Variants in DCC observed in about 807,000 individuals in gnomAD.
DCC encodes netrin receptor DCC.
A neutral mutation model predicts 172.5 loss-of-function variants in DCC; 58 were observed. The ratio of observed to expected loss-of-function variants is 0.34; its 90% CI spans 0.27 to 0.42. The LOEUF (loss-of-function observed/expected upper bound fraction) is 0.42. Among genes scored for constraint, DCC ranks in the 10% least tolerant of loss-of-function variants. The pLI is 1.00. For synonymous variants in DCC, 709 were observed against 644.5 expected (o/e 1.10, Z -1.52); for missense variants, 1,740 against 1,791.0 (o/e 0.97, Z 0.51).
At chr18:52,530,300 G>A (rs2032110636) in intron 1 of DCC, among the ~76,000 whole-genome samples, 1 of 152,112 alleles carries the variant, frequency 6.6e-6, no homozygotes, top group South Asian at 2.1e-4. Flanking sequence ...AGCTGTATGA[G>A]GCTGACAGCA....
intron 12 of DCC, among the ~76,000 whole-genome samples, chr18:53,252,233 T>C (rs1420618427): frequency 6.6e-6 from 1 of 151,972 alleles, no homozygotes; most frequent in Admixed American, 6.6e-5. Flanking sequence ...GGTGTTTATG[T>C]ATTTTGCATG....
At chr18:52,754,873 AGACT>A (rs772280615) in intron 2 of DCC, among the ~76,000 whole-genome samples, 2 of 152,232 alleles carry the variant, frequency 1.3e-5, no homozygotes, top group Non-Finnish European at 2.9e-5. Context: ...TAGCAATGAC[AGACT>A]GAGGTGCAGA....
At chr18:52,794,542 G>A (rs550492151) in intron 2 of DCC, among the ~76,000 whole-genome samples, 73 of 152,074 alleles carry the variant, frequency 4.8e-4, no homozygotes, top group African/African-American at 1.7e-3. Flanking sequence ...TTTTGGTGGA[G>A]TCTTTAGGTT....
At chr18:52,725,586 G>A (rs767359612) in intron 1 of DCC, among the ~76,000 whole-genome samples, 9 of 152,184 alleles carry the variant, frequency 5.9e-5, no homozygotes, top group Non-Finnish European at 1.3e-4. Context: ...GAGAAAGATG[G>A]TGTAAATACC....
intron 5 of DCC, among the ~76,000 whole-genome samples, chr18:52,946,715 G>C (rs1252277110): frequency 6.6e-6 from 1 of 152,116 alleles, no homozygotes; most frequent in African/African-American, 2.4e-5. Context: ...CCTTGGCCAA[G>C]CCCAAAGTCC....
At chr18:53,394,199 A>G (rs749728704) in intron 17 of DCC, among the ~76,000 whole-genome samples, 4 of 152,196 alleles carry the variant, frequency 2.6e-5, no homozygotes, top group Admixed American at 6.5e-5. Context: ...CCTGTCATGA[A>G]ACTTAACCTG....
intron 5 of DCC, among the ~76,000 whole-genome samples, chr18:53,054,386 A>G (rs2042375571): frequency 6.6e-6 from 1 of 152,116 alleles, no homozygotes; most frequent in Non-Finnish European, 1.5e-5. Flanking sequence ...GCTCACACAC[A>G]CACGCAAGCT....
intron 15 of DCC, among the ~76,000 whole-genome samples, chr18:53,350,245 T>C (rs566467619): frequency 6.6e-6 from 1 of 152,268 alleles, no homozygotes; most frequent in Non-Finnish European, 1.5e-5. Context: ...TCACCGCCAT[T>C]GATGTGGATT....
chr18:52,397,798 A>C (rs1986287453), intron 1 of DCC, among the ~76,000 whole-genome samples: 1 of 152,004 alleles, frequency 6.6e-6, no homozygotes, highest in Non-Finnish European at 1.5e-5. Flanking sequence ...ATTTTATTCC[A>C]ATTAAGCCTC....
intron 2 of DCC, among the ~76,000 whole-genome samples, chr18:52,864,957 C>T (rs1434248800): frequency 1.3e-5 from 2 of 152,050 alleles, no homozygotes; most frequent in Non-Finnish European, 2.9e-5. Context: ...GCTCTGCCTC[C>T]CAGGTTCACG....
intron 12 of DCC, among the ~76,000 whole-genome samples, chr18:53,285,398 G>A (rs939264126): frequency 5.3e-5 from 8 of 152,206 alleles, no homozygotes; most frequent in African/African-American, 1.9e-4. Flanking sequence ...AGCTCTAGCT[G>A]TTGCTCCAGA....
chr18:52,470,498 G>A (rs1464287490), intron 1 of DCC, among the ~76,000 whole-genome samples: 3 of 152,146 alleles, frequency 2.0e-5, no homozygotes, highest in Non-Finnish European at 4.4e-5. Context: ...TTTTCACTTA[G>A]TCTGTATACT....
At chr18:52,650,992 A>G (rs2035120617) in intron 1 of DCC, among the ~76,000 whole-genome samples, 1 of 152,250 alleles carries the variant, frequency 6.6e-6, no homozygotes, top group African/African-American at 2.4e-5. Context: ...TAAATTATTA[A>G]AAGCATATTG....
intron 7 of DCC, among the ~76,000 whole-genome samples, chr18:53,072,751 G>T (rs1311413424): frequency 6.6e-6 from 1 of 152,088 alleles, no homozygotes. Flanking sequence ...GGTTTGCTTG[G>T]GCAAGATATA....
intron 25 of DCC, among the ~76,000 whole-genome samples, chr18:53,481,801 A>G (rs1303119084): frequency 6.6e-6 from 1 of 152,154 alleles, no homozygotes; most frequent in Admixed American, 6.6e-5. Flanking sequence ...TTAGAATATT[A>G]TGGAAGTTTT....
At chr18:52,699,901 G>T (rs968810424) in intron 1 of DCC, among the ~76,000 whole-genome samples, 2 of 152,002 alleles carry the variant, frequency 1.3e-5, no homozygotes, top group African/African-American at 4.8e-5. Context: ...ATGTACAATG[G>T]TCTTTAGTAT....
At chr18:52,386,956 A>T (rs543102091) in intron 1 of DCC, among the ~76,000 whole-genome samples, 1 of 152,076 alleles carries the variant, frequency 6.6e-6, no homozygotes, top group Non-Finnish European at 1.5e-5. Context: ...AGTTGTAGCT[A>T]CTTAAAAGCC....
intron 25 of DCC, among the ~76,000 whole-genome samples, chr18:53,481,347 G>A (rs937251817): frequency 6.6e-6 from 1 of 152,130 alleles, no homozygotes; most frequent in Non-Finnish European, 1.5e-5. Context: ...CAGCACTTAG[G>A]ACTCTTTACC....
intron 1 of DCC, among the ~76,000 whole-genome samples, chr18:52,653,356 T>C (rs1488076501): frequency 1.3e-5 from 2 of 152,200 alleles, no homozygotes; most frequent in African/African-American, 4.8e-5. Context: ...CCAGGTGATA[T>C]GTGATAGGAG....
Sources: gnomAD v4.1 joint callset for allele counts (sites outside exome capture counted in the v4.1 genomes callset) on GRCh38, gnomAD v4.1.1 for gene constraint, MANE v1.5 for transcripts, NCBI Gene and HGNC (gene_info 2026-07-23, HGNC 2026-07-21) for gene names.